ANKS1B: variants seen among roughly 807,000 people sequenced by gnomAD.
The protein encoded by ANKS1B is ankyrin repeat and sterile alpha motif domain containing 1B, also known as ankyrin repeat and sterile alpha motif domain-containing protein 1B.
ANKS1B carries 36 observed loss-of-function variants against 148.3 expected under a neutral mutation model. The ratio of observed to expected loss-of-function variants is 0.24; its 90% CI spans 0.19 to 0.32. The LOEUF (loss-of-function observed/expected upper bound fraction) is 0.32. Ranked by LOEUF, ANKS1B falls within the 10% of genes least tolerant of loss-of-function variation. The pLI, the probability that ANKS1B is intolerant of heterozygous loss-of-function variation, is 1.00. For missense variants in ANKS1B, 1,157 were observed against 1,542.6 expected (o/e 0.75, Z 4.19); for synonymous variants, 542 against 560.8 (o/e 0.97, Z 0.47).
At position 99,618,413 on chromosome 12, in the gene ANKS1B, C is replaced by A. The variant is rs577480253; in HGVS notation, c.1272+36654G>T. Among the ~76,000 whole-genome samples the A allele has an allele frequency of 3.9e-5, 6 of 152,234 alleles. No individual in the cohort carries two copies. In the East Asian group the frequency reaches 1.2e-3, roughly 29 times the overall value. ...AGAGGCTTTTAGCACGCCTCAGTAA[C>A]TTGGAAGTAGCATAAAAATAGTGCA... is the stretch of plus-strand genomic sequence containing the variant. On this transcript the variant is annotated intron_variant, in intron 9 of 26. Transcript: ENST00000683438.
rs561549881 is a variant in ANKS1B, at chr12:98,902,239, C to G, written c.2779-70103G>C. 3.3e-5 allele frequency among the ~76,000 whole-genome samples: 5 copies of G among 152,324 alleles called. No individual in the cohort carries two copies. The East Asian group carries it at 7.7e-4, about 24-fold the overall frequency. ...CACATACAGCTCCATTGAGCCACAGCTAAGATTTTTGCTTGCAGCCTTTGC... is the reference window on the plus strand; with the variant it reads ...CACATACAGCTCCATTGAGCCACAGGTAAGATTTTTGCTTGCAGCCTTTGC... On this transcript the variant is annotated intron_variant, in intron 17 of 26. Coordinates refer to ENST00000683438, the MANE Select transcript of ANKS1B (RefSeq NM_001352186.2).
intron 16 of ANKS1B, among the ~76,000 whole-genome samples, chr12:99,080,484 A>G (rs979228330): frequency 6.6e-6 from 1 of 152,214 alleles, no homozygotes; most frequent in Non-Finnish European, 1.5e-5. Context: ...AAGAAGAAAT[A>G]TTGAAAAACA....
intron 9 of ANKS1B, among the ~76,000 whole-genome samples, chr12:99,597,251 G>GGAGGGAGA (rs1555505666): frequency 6.7e-6 from 1 of 149,474 alleles, no homozygotes; most frequent in African/African-American, 2.5e-5. Flanking sequence ...AATGTCTGAG[G>GGAGGGAGA]GAGAGAGAGA....
intron 20 of ANKS1B, among the ~76,000 whole-genome samples, chr12:98,802,914 A>G (rs1227118386): frequency 1.3e-5 from 2 of 151,976 alleles, no homozygotes; most frequent in Non-Finnish European, 2.9e-5. Context: ...ATTTTGTTAC[A>G]TGTATATTGT....
At chr12:98,962,542 G>T (rs1204111474) in intron 17 of ANKS1B, among the ~76,000 whole-genome samples, 1 of 151,962 alleles carries the variant, frequency 6.6e-6, no homozygotes, top group Non-Finnish European at 1.5e-5. Flanking sequence ...AAATGATCCA[G>T]ACAGAAAATC....
At chr12:99,657,136 C>A (rs1469147495) in intron 8 of ANKS1B, among the ~76,000 whole-genome samples, 1 of 152,102 alleles carries the variant, frequency 6.6e-6, no homozygotes, top group Non-Finnish European at 1.5e-5. Flanking sequence ...GGCCTATTGT[C>A]TGTTAACTAT....
chr12:99,465,379 A>G (rs2096082688), intron 10 of ANKS1B, among the ~76,000 whole-genome samples: 1 of 152,340 alleles, frequency 6.6e-6, no homozygotes, highest in African/African-American at 2.4e-5. Context: ...AAGAAACTGC[A>G]TCAACTAACG....
intron 11 of ANKS1B, among the ~76,000 whole-genome samples, chr12:99,425,993 T>C (rs1369478751): frequency 6.6e-6 from 1 of 152,196 alleles, no homozygotes; most frequent in East Asian, 1.9e-4. Context: ...TGTAAGATTA[T>C]GTTCGAAATA....
At chr12:99,180,628 T>C (rs2078995453) in intron 14 of ANKS1B, among the ~76,000 whole-genome samples, 1 of 120,982 alleles carries the variant, frequency 8.3e-6, no homozygotes, top group Non-Finnish European at 1.6e-5. Context: ...GGGAAAGGGT[T>C]TTTTTTTTTT....
At chr12:99,066,226 C>T (rs556112481) in intron 16 of ANKS1B, among the ~76,000 whole-genome samples, 8 of 152,150 alleles carry the variant, frequency 5.3e-5, no homozygotes, top group South Asian at 2.1e-4. Context: ...TAGGTTGAGG[C>T]GCGAGAATTG....
At chr12:99,730,668 T>C (rs1235384467) in intron 8 of ANKS1B, among the ~76,000 whole-genome samples, 1 of 152,152 alleles carries the variant, frequency 6.6e-6, no homozygotes, top group Non-Finnish European at 1.5e-5. Flanking sequence ...GATTACTCTC[T>C]GTCTGGGAGC....
chr12:99,086,895 C>T (rs2052047211), intron 15 of ANKS1B, among the ~76,000 whole-genome samples: 1 of 152,082 alleles, frequency 6.6e-6, no homozygotes. Context: ...TACCATTAGA[C>T]ACTCAAAGCA....
At chr12:99,421,129 T>C (rs1482496095) in intron 11 of ANKS1B, among the ~76,000 whole-genome samples, 1 of 152,210 alleles carries the variant, frequency 6.6e-6, no homozygotes, top group Non-Finnish European at 1.5e-5. Context: ...GATTGATAAG[T>C]ATTCATCTTC....
chr12:98,990,562 G>A (rs1243870809), intron 17 of ANKS1B, among the ~76,000 whole-genome samples: 4 of 140,872 alleles, frequency 2.8e-5, no homozygotes, highest in Admixed American at 2.8e-4. Flanking sequence ...GAGAGAGAGA[G>A]AGAGAAAAAA....
At chr12:99,855,323 T>C (rs2088821442) in intron 1 of ANKS1B, among the ~76,000 whole-genome samples, 1 of 152,120 alleles carries the variant, frequency 6.6e-6, no homozygotes, top group Admixed American at 6.6e-5. Context: ...AAAGGGACAT[T>C]ATATATTGAT....
At chr12:99,670,674 C>T (rs2098533747) in intron 8 of ANKS1B, among the ~76,000 whole-genome samples, 1 of 151,960 alleles carries the variant, frequency 6.6e-6, no homozygotes, top group Non-Finnish European at 1.5e-5. Flanking sequence ...TACAGAGATA[C>T]TAAAACAAGG....
chr12:99,765,614 C>T (rs1246689791), intron 8 of ANKS1B, among the ~76,000 whole-genome samples: 3 of 152,130 alleles, frequency 2.0e-5, no homozygotes, highest in African/African-American at 7.2e-5. Context: ...CTATTCCTCC[C>T]TAACTTCTAC....
intron 16 of ANKS1B, among the ~76,000 whole-genome samples, chr12:99,061,200 G>A (rs1394805567): frequency 6.6e-6 from 1 of 152,138 alleles, no homozygotes; most frequent in African/African-American, 2.4e-5. Context: ...CCTGTGGAAT[G>A]CTAATGAAAG....
chr12:99,819,993 G>T (rs1325385136), intron 2 of ANKS1B, among the ~76,000 whole-genome samples: 1 of 151,646 alleles, frequency 6.6e-6, no homozygotes, highest in African/African-American at 2.4e-5. Context: ...ATTTGAATTT[G>T]CAGTAGAAAT....
Sources: allele counts gnomAD v4.1 joint callset (sites outside exome capture counted in the v4.1 genomes callset), GRCh38; gene constraint gnomAD v4.1.1; transcripts MANE v1.5; gene names NCBI Gene and HGNC (gene_info 2026-07-23, HGNC 2026-07-21).